SHISAL2B: variants seen among roughly 807,000 people sequenced by gnomAD.
SHISAL2B encodes the protein protein shisa-like-2B.
SHISAL2B carries 12 observed loss-of-function variants against 16.5 expected under a neutral mutation model. That is an observed-to-expected ratio of 0.73 (90% CI 0.47 to 1.18). The LOEUF (loss-of-function observed/expected upper bound fraction) is 1.18, where lower values mean the gene tolerates loss of function less well. Among genes scored for constraint, SHISAL2B ranks in the 50% most tolerant of loss-of-function variants. The pLI is 0.00. For synonymous variants in SHISAL2B, 72 were observed against 75.0 expected, an observed-to-expected ratio of 0.96 and a Z score of 0.21; for missense variants, 183 against 193.6, an observed-to-expected ratio of 0.95 and a Z score of 0.33.
intron 2 of SHISAL2B, among the ~76,000 whole-genome samples, chr5:64,702,913 T>C (rs1741828935): frequency 6.6e-6 from 1 of 152,210 alleles, no homozygotes; most frequent in Admixed American, 6.5e-5. Flanking sequence ...CTCTGTGTTT[T>C]GTTAAATTGA....
At chr5:64,712,476 G>C (rs1200872397) in intron 2 of SHISAL2B, among the ~76,000 whole-genome samples, 1 of 133,844 alleles carries the variant, frequency 7.5e-6, no homozygotes, top group Non-Finnish European at 1.6e-5. Flanking sequence ...GTCAATTTTG[G>C]AATAGGTGTG....
chr5:64,712,478 A>G (rs1741973340), intron 2 of SHISAL2B, among the ~76,000 whole-genome samples: 1 of 151,300 alleles, frequency 6.6e-6, no homozygotes, highest in South Asian at 2.1e-4. Context: ...CAATTTTGGA[A>G]TAGGTGTGGT....
chr5:64,712,544 G>A (rs1394296984), intron 2 of SHISAL2B, among the ~76,000 whole-genome samples: 1 of 151,034 alleles, frequency 6.6e-6, no homozygotes, highest in Non-Finnish European at 1.5e-5. Context: ...TTCTGTAGAT[G>A]TCTATTAGGT....
rs1213979809 is a variant in SHISAL2B at position 64,690,566 on chromosome 5, G to C, written c.-58G>C. 4.4e-6 allele frequency: 6 copies of C among 1,368,222 alleles called. No individual in the cohort carries two copies. Among genetic ancestry groups the C allele is most frequent in the African/African-American group, 3.0e-5 (2 of 67,040 alleles). The allele number at this position is 1,368,222 out of a possible 1,614,324, so 84.8% of individuals were successfully genotyped here. On this transcript the variant is annotated 5_prime_UTR_variant, in exon 1 of 3. Coordinates refer to ENST00000389074, the MANE Select transcript of SHISAL2B (RefSeq NM_001164442.2). The stretch of plus-strand genomic sequence containing the variant: ...TCCGCGGGCTCTGGAGGTGCTGGAC[G>C]GGTGCGATCCGAGAGCAGACCGGGG...
At chr5:64,691,371 A>T (rs934475536) in intron 1 of SHISAL2B, 2 of 62,490 alleles carry the variant, frequency 3.2e-5, no homozygotes, top group South Asian at 4.4e-4. Flanking sequence ...GTATATTTTT[A>T]AAAGTGTGTG....
intron 2 of SHISAL2B, 64 bp downstream of exon 2, chr5:64,695,728 T>C: frequency 3.3e-6 from 4 of 1,212,338 alleles, no homozygotes; most frequent in Non-Finnish European, 4.4e-6. Context: ...AACTTGTACC[T>C]GGGTGATAAT....
At chr5:64,690,854 C>A in intron 1 of SHISAL2B, 40 bp downstream of exon 1, 2 of 1,464,712 alleles carry the variant, frequency 1.4e-6, no homozygotes, top group African/African-American at 1.4e-5. Context: ...TGGCCGAGCC[C>A]GGGGCTAGGG....
chr5:64,694,973 C>G (rs960187331), intron 1 of SHISAL2B, among the ~76,000 whole-genome samples: 1 of 151,974 alleles, frequency 6.6e-6, no homozygotes, highest in African/African-American at 2.4e-5. Flanking sequence ...TTAATAGTAA[C>G]GTACAGGCCG....
At chr5:64,693,528 T>A (rs1176165255) in intron 1 of SHISAL2B, among the ~76,000 whole-genome samples, 1 of 152,198 alleles carries the variant, frequency 6.6e-6, no homozygotes, top group African/African-American at 2.4e-5. Flanking sequence ...TAAATTACAT[T>A]TTTACCTTGA....
chr5:64,708,305 GA>G (rs1741902193), intron 2 of SHISAL2B, among the ~76,000 whole-genome samples: 2 of 152,020 alleles, frequency 1.3e-5, no homozygotes, highest in Non-Finnish European at 2.9e-5. Context: ...AAAAATTAAT[GA>G]GGACCCAAGT....
At chr5:64,702,356 A>G (rs957709569) in intron 2 of SHISAL2B, among the ~76,000 whole-genome samples, 2 of 152,022 alleles carry the variant, frequency 1.3e-5, no homozygotes, top group African/African-American at 4.8e-5. Flanking sequence ...ATGAGCCACC[A>G]CGCCAGGCTA....
intron 2 of SHISAL2B, among the ~76,000 whole-genome samples, chr5:64,715,539 A>G (rs1742037746): frequency 6.6e-6 from 1 of 152,176 alleles, no homozygotes; most frequent in Non-Finnish European, 1.5e-5. Context: ...TGGGGAAAAC[A>G]GGACTTGTGG....
intron 2 of SHISAL2B, among the ~76,000 whole-genome samples, chr5:64,701,538 G>C (rs1320313586): frequency 2.0e-5 from 3 of 152,122 alleles, no homozygotes; most frequent in African/African-American, 7.2e-5. Context: ...TTTTAGAAGG[G>C]GCTGGGGGAA....
At chr5:64,699,465 G>A (rs2112060381) in intron 2 of SHISAL2B, among the ~76,000 whole-genome samples, 1 of 152,286 alleles carries the variant, frequency 6.6e-6, no homozygotes, top group East Asian at 1.9e-4. Context: ...CCTAGCAATG[G>A]ATGCCAGTGT....
At chr5:64,694,736 C>G (rs184764110) in intron 1 of SHISAL2B, among the ~76,000 whole-genome samples, 36 of 152,258 alleles carry the variant, frequency 2.4e-4, no homozygotes, top group African/African-American at 7.9e-4. Context: ...TTGCTTTCTC[C>G]TTTTTTATAA....
rs56990568 is a variant in SHISAL2B, at chr5:64,716,090, A to C, written c.350-1799A>C. Among the ~76,000 whole-genome samples, 141 of 152,334 alleles carry C rather than the reference A, an allele frequency of 9.3e-4. No homozygotes were observed. The East Asian group carries it at 0.024, about 26-fold the overall frequency. On this transcript the variant is annotated intron_variant, in intron 2 of 2. Transcript: ENST00000389074. ...CCCTCACCTAATTGAGAGATGAGAA[A>C]CAGTTTCTCACCTTCCAAATTTACA... is the stretch of plus-strand genomic sequence containing the variant.
intron 2 of SHISAL2B, among the ~76,000 whole-genome samples, chr5:64,714,583 C>T (rs56194056): frequency 1.4e-3 from 220 of 152,120 alleles, no homozygotes; most frequent in East Asian, 7.5e-3. Context: ...TCGAGCTTCC[C>T]GGCTGCTTTG....
chr5:64,714,529 A>C (rs998694198), intron 2 of SHISAL2B, among the ~76,000 whole-genome samples: 1 of 151,788 alleles, frequency 6.6e-6, no homozygotes, highest in African/African-American at 2.4e-5. Flanking sequence ...TGGAGCCTAC[A>C]GAGGCAGGCA....
intron 2 of SHISAL2B, among the ~76,000 whole-genome samples, chr5:64,696,946 C>A (rs1415399957): frequency 2.6e-5 from 4 of 152,170 alleles, no homozygotes; most frequent in Non-Finnish European, 4.4e-5. Flanking sequence ...TTGTGACCTA[C>A]TCCCTATTCG....
Sources: gnomAD v4.1 joint callset for allele counts (sites outside exome capture counted in the v4.1 genomes callset) on GRCh38, gnomAD v4.1.1 for gene constraint, MANE v1.5 for transcripts, NCBI Gene and HGNC (gene_info 2026-07-23, HGNC 2026-07-21) for gene names.